The following MR1 variants were observed in gnomAD, a reference collection of about 807,000 sequenced individuals.
MR1 encodes major histocompatibility complex, class I-related.
In MR1, 44 loss-of-function variants were observed where a neutral mutation model predicts 37.8. The observed-to-expected ratio is 1.16, with a 90% confidence interval of 0.91 to 1.50. The LOEUF is 1.50. MR1 is among the 40% of genes most tolerant of loss of function. The probability of loss-of-function intolerance (pLI) is 0.00; values close to 1 mark genes in which losing one functional copy is unlikely to be tolerated. For synonymous variants in MR1, 153 were observed against 155.8 expected (o/e 0.98, Z 0.13); for missense variants, 386 against 419.1 (o/e 0.92, Z 0.69).
At chr1:181,055,127 G>T (rs928558150) in intron 5 of MR1, 98 bp from the exon 6 acceptor site, 13 of 1,080,082 alleles carry the variant, frequency 1.2e-5, no homozygotes, top group African/African-American at 3.1e-5. Flanking sequence ...TAAAACTGTC[G>T]ATGCCTGTTT....
rs57911852 is a variant in MR1 at position 181,041,685 on chromosome 1, C to T, written c.68-7367C>T. Among the ~76,000 whole-genome samples the T allele has an allele frequency of 7.8e-3, 1,181 of 152,324 alleles. 10 individuals are homozygous for T. The highest frequency in any genetic ancestry group is 0.027 in the African/African-American group (1,112 of 41,558). On this transcript the variant is annotated intron_variant, in intron 1 of 5. Coordinates refer to ENST00000367580, the MANE Select transcript of MR1 (RefSeq NM_001385161.1). Reference sequence around the variant, plus strand: ...TCTTGTCCAGACTGCTGTCCCCAGACACCTGCCTGTCTCCCCAACTCCTTG... The same window carrying T: ...TCTTGTCCAGACTGCTGTCCCCAGATACCTGCCTGTCTCCCCAACTCCTTG...
At chr1:181,034,158 T>C in intron 1 of MR1, 84 bp downstream of exon 1, 1 of 1,384,782 alleles carries the variant, frequency 7.2e-7, no homozygotes, top group Non-Finnish European at 1.0e-6. Flanking sequence ...AAACTTGTGG[T>C]GAAAAATATA....
intron 1 of MR1, among the ~76,000 whole-genome samples, chr1:181,043,704 C>T (rs1245693143): frequency 1.3e-5 from 2 of 152,150 alleles, no homozygotes; most frequent in South Asian, 2.1e-4. Context: ...CTGTCATACA[C>T]ACACACACAT....
intron 1 of MR1, chr1:181,037,096 A>G (rs866808190): frequency 6.6e-6 from 1 of 152,210 alleles, no homozygotes; most frequent in African/African-American, 2.4e-5. Flanking sequence ...TGTATGTTTC[A>G]TCTCGACATA....
chr1:181,047,184 G>A (rs1443615695), intron 1 of MR1, among the ~76,000 whole-genome samples: 2 of 151,910 alleles, frequency 1.3e-5, no homozygotes, highest in Non-Finnish European at 2.9e-5. Context: ...AAACAGTTTT[G>A]TTTCATTTTG....
intron 1 of MR1, among the ~76,000 whole-genome samples, chr1:181,036,182 T>C (rs2102356716): frequency 6.6e-6 from 1 of 152,284 alleles, no homozygotes; most frequent in East Asian, 1.9e-4. Context: ...AATAACCCCT[T>C]CTTCATGGTT....
chr1:181,035,211 C>A (rs201329873), intron 1 of MR1, among the ~76,000 whole-genome samples: 1 of 151,968 alleles, frequency 6.6e-6, no homozygotes, highest in East Asian at 1.9e-4. Context: ...ACAGTGCGCA[C>A]CTGTGATCCC....
intron 1 of MR1, among the ~76,000 whole-genome samples, chr1:181,035,663 G>A (rs1352653352): frequency 6.6e-6 from 1 of 152,172 alleles, no homozygotes; most frequent in Non-Finnish European, 1.5e-5. Flanking sequence ...CAATCTCACT[G>A]ACTATTTGTA....
rs58367975 is a variant in MR1, at chr1:181,034,203, C to G, written c.67+129C>G. On this transcript the variant is annotated intron_variant, in intron 1 of 5. Transcript: ENST00000367580. Reference sequence around the variant, plus strand: ...GGCAGAAACGTGTATGTATTACACTCAGACTCCAGGAGCAATGGATTGCCT... The same window carrying G: ...GGCAGAAACGTGTATGTATTACACTGAGACTCCAGGAGCAATGGATTGCCT... 1,388 of 727,514 alleles carry G rather than the reference C, an allele frequency of 1.9e-3. 13 individuals are homozygous for G. In the African/African-American group the frequency reaches 0.026, roughly 14 times the overall value. 45.1% of individuals were successfully genotyped at this position (727,514 alleles called of 1,614,324 possible).
intron 1 of MR1, among the ~76,000 whole-genome samples, chr1:181,044,254 C>T (rs1409203932): frequency 1.3e-5 from 2 of 152,140 alleles, no homozygotes; most frequent in African/African-American, 4.8e-5. Flanking sequence ...TGAGCCACTG[C>T]GCCCGGCCTG....
chr1:181,050,210 G>C lies in MR1; in HGVS notation c.528G>C (p.Lys176Asn). 6.2e-7 allele frequency: 1 copy of C among 1,614,248 alleles called. No individual in the cohort carries two copies. Among genetic ancestry groups the C allele is most frequent in the Non-Finnish European group, 8.5e-7 (1 of 1,180,042 alleles). ...EANQHELLYQ[K>N]NWLEEECIAW... is the part of the protein sequence containing the mutation. The stretch of plus-strand genomic sequence containing the variant: ...ATCAGCATGAGTTGCTGTATCAAAA[G>C]AATTGGCTGGAAGAAGAATGTATTG... Residue 176 changes from lysine (K) to asparagine (N), a missense_variant, in exon 3 of 6, where the codon AAG becomes AAC. Coordinates refer to ENST00000367580, the MANE Select transcript of MR1 (RefSeq NM_001385161.1).
intron 1 of MR1, among the ~76,000 whole-genome samples, chr1:181,039,865 CAAAA>C (rs35762032): frequency 3.3e-5 from 3 of 89,770 alleles, no homozygotes; most frequent in East Asian, 2.8e-4. Context: ...GACTCCATCT[CAAAA>C]AAAAAAAAAA....
rs933419467 is a variant in MR1, at chr1:181,055,947, G to C, written c.*682G>C. The stretch of plus-strand genomic sequence containing the variant: ...GGAATCTTGGTAATCTGCCCGGTTG[G>C]ATCTATGGAGGTAGTCTCACCCTTT... On this transcript the variant is annotated 3_prime_UTR_variant, in exon 6 of 6. Transcript: ENST00000367580. 1.3e-5 allele frequency: 2 copies of C among 152,226 alleles called. No homozygotes were observed. Among genetic ancestry groups the C allele is most frequent in the African/African-American group, 4.8e-5 (2 of 41,436 alleles). 9.4% of individuals were successfully genotyped at this position (152,226 alleles called of 1,614,324 possible).
chr1:181,044,076 G>A (rs993449831), intron 1 of MR1, among the ~76,000 whole-genome samples: 2 of 148,616 alleles, frequency 1.3e-5, no homozygotes, highest in East Asian at 4.0e-4. Context: ...CCATTCTCCT[G>A]CCTCAGCCTC....
In MR1 at chr1:181,048,156, G is replaced by A. The variant is rs10910852; in HGVS notation, c.68-896G>A. Among the ~76,000 whole-genome samples, 101 of 151,840 alleles carry A rather than the reference G, an allele frequency of 6.7e-4. 1 individual carries two copies. In the East Asian group the frequency reaches 0.018, roughly 27 times the overall value. On this transcript the variant is annotated intron_variant, in intron 1 of 5. Coordinates refer to ENST00000367580, the MANE Select transcript of MR1 (RefSeq NM_001385161.1). Reference sequence around the variant, plus strand: ...TGCTTGAACCCGGTAGGCGGAGGTTGCAGTGAGCCGAGTTTGTGCCACTGC... The same window carrying A: ...TGCTTGAACCCGGTAGGCGGAGGTTACAGTGAGCCGAGTTTGTGCCACTGC...
chr1:181,052,398 G>A lies in MR1; in HGVS notation c.768G>A (p.Gly256=). ...EIDYGDILPS[G]DGTYQAWASI... Reference sequence around the variant, plus strand: ...ATTATGGAGACATTCTTCCCAGTGGGGATGGAACCTATCAGGCGTGGGCAT... The same window carrying A: ...ATTATGGAGACATTCTTCCCAGTGGAGATGGAACCTATCAGGCGTGGGCAT... Residue 256 remains glycine, a synonymous_variant, in exon 4 of 6, where the codon GGG becomes GGA. Transcript: ENST00000367580. The A allele has an allele frequency of 6.2e-7, 1 of 1,614,192 alleles. No homozygotes were observed. The highest frequency in any genetic ancestry group is 8.5e-7 in the Non-Finnish European group (1 of 1,180,028).
chr1:181,042,777 A>G (rs56089565), intron 1 of MR1, among the ~76,000 whole-genome samples: 43,097 of 151,856 alleles, frequency 0.28, 6,853 homozygotes, highest in African/African-American at 0.43. Flanking sequence ...ACTGCACTCC[A>G]ACCTGGGCGA....
rs2102417554 is a variant in MR1 at position 181,061,089 on chromosome 1, T to C, written c.*5824T>C. On this transcript the variant is annotated 3_prime_UTR_variant, in exon 6 of 6. Coordinates refer to ENST00000367580, the MANE Select transcript of MR1 (RefSeq NM_001385161.1). ...TGGCATGGCTGAGGAAAAAGGACAC[T>C]GAGCACAGCCCGTGCATGAGCGGCT... The C allele has an allele frequency of 6.6e-6, 1 of 152,370 alleles. No individual in the cohort carries two copies. Among genetic ancestry groups the C allele is most frequent in the East Asian group, 1.9e-4 (1 of 5,186 alleles). The allele number at this position is 152,370 out of a possible 1,614,324, so 9.4% of individuals were successfully genotyped here.
intron 1 of MR1, among the ~76,000 whole-genome samples, chr1:181,046,570 CA>C (rs1431027042): frequency 6.6e-6 from 1 of 152,088 alleles, no homozygotes; most frequent in African/African-American, 2.4e-5. Context: ...AGTGCCCTGT[CA>C]AAACAGACCA....
Sources: allele counts gnomAD v4.1 joint callset (sites outside exome capture counted in the v4.1 genomes callset), GRCh38; gene constraint gnomAD v4.1.1; transcripts MANE v1.5; gene names NCBI Gene and HGNC (gene_info 2026-07-23, HGNC 2026-07-21).